Variants in PSD3 observed in about 807,000 individuals in gnomAD.
PSD3 encodes the protein pleckstrin and Sec7 domain containing 3.
In PSD3, 49 loss-of-function variants were observed where a neutral mutation model predicts 105.5. The ratio of observed to expected loss-of-function variants is 0.46; its 90% CI spans 0.37 to 0.59. PSD3 has a LOEUF of 0.59. PSD3 is among the 20% of genes least tolerant of loss of function. PSD3 has a pLI of 0.00. For missense variants in PSD3, 1,561 were observed against 1,263.8 expected, an observed-to-expected ratio of 1.24 and a Z score of -3.57; for synonymous variants, 557 against 457.8, an observed-to-expected ratio of 1.22 and a Z score of -2.77.
chr8:18,958,314 G>A (rs1823706203), intron 1 of PSD3, among the ~76,000 whole-genome samples: 1 of 152,132 alleles, frequency 6.6e-6, no homozygotes, highest in South Asian at 2.1e-4. Context: ...ATTGTCTTAG[G>A]GGAACTGGGT....
At chr8:19,017,069 T>C (rs924683179), upstream of PSD3, among the ~76,000 whole-genome samples, 3 of 133,718 alleles carry the variant, frequency 2.2e-5, no homozygotes, top group African/African-American at 5.6e-5. Flanking sequence ...TTTTTTTTTT[T>C]TGAGACAGTA....
intron 12 of PSD3, among the ~76,000 whole-genome samples, chr8:18,580,078 C>G (rs1230845180): frequency 2.0e-5 from 3 of 152,112 alleles, no homozygotes; most frequent in East Asian, 1.9e-4. Context: ...TGATGAATAT[C>G]TTTTTTAAAA....
chr8:18,731,439 C>A (rs1177570624), intron 9 of PSD3, among the ~76,000 whole-genome samples: 1 of 152,144 alleles, frequency 6.6e-6, no homozygotes, highest in East Asian at 1.9e-4. Flanking sequence ...ATTCTCTATA[C>A]CCTTCCTCTT....
intron 9 of PSD3, among the ~76,000 whole-genome samples, chr8:18,705,832 T>A (rs1323847139): frequency 6.6e-6 from 1 of 152,218 alleles, no homozygotes; most frequent in African/African-American, 2.4e-5. Context: ...GGAATGTGGT[T>A]GTTGTATTGC....
intron 1 of PSD3, among the ~76,000 whole-genome samples, chr8:19,030,526 C>T (rs376741331): frequency 2.6e-5 from 4 of 152,092 alleles, no homozygotes; most frequent in African/African-American, 9.6e-5. Context: ...AAGTGTGTGG[C>T]ACCTCTGCCG....
At chr8:18,670,500 GT>G (rs1563159360) in intron 9 of PSD3, among the ~76,000 whole-genome samples, 1 of 152,146 alleles carries the variant, frequency 6.6e-6, no homozygotes, top group African/African-American at 2.4e-5. Context: ...GAGAGGTGAG[GT>G]AAGTTGACTG....
chr8:18,671,888 C>A (rs1032049367), intron 9 of PSD3, among the ~76,000 whole-genome samples: 1 of 152,116 alleles, frequency 6.6e-6, no homozygotes, highest in Non-Finnish European at 1.5e-5. Flanking sequence ...GCCTTGGCCT[C>A]CCAAAGTGCT....
intron 1 of PSD3, among the ~76,000 whole-genome samples, chr8:18,937,379 G>A (rs146222707): frequency 3.8e-4 from 58 of 152,312 alleles, no homozygotes; most frequent in Non-Finnish European, 7.3e-4. Flanking sequence ...CTTTGGGGGA[G>A]AGAAGCGTGA....
intron 8 of PSD3, among the ~76,000 whole-genome samples, chr8:18,766,789 C>G (rs962501263): frequency 2.0e-5 from 3 of 152,196 alleles, no homozygotes; most frequent in African/African-American, 7.2e-5. Flanking sequence ...GGCTCTAGTT[C>G]CCCAAGTCCC....
chr8:18,572,127 T>C (rs776909725), intron 14 of PSD3, among the ~76,000 whole-genome samples: 1 of 152,206 alleles, frequency 6.6e-6, no homozygotes, highest in Non-Finnish European at 1.5e-5. Context: ...TTCCTGAAAA[T>C]ATTTTTGTAT....
At chr8:18,733,631 T>C (rs539722056) in intron 9 of PSD3, 2 of 152,954 alleles carry the variant, frequency 1.3e-5, no homozygotes, top group East Asian at 3.9e-4. Flanking sequence ...AGAGGCTTTT[T>C]ACTTTCACAG....
At chr8:18,815,245 T>C (rs1186212757) in intron 4 of PSD3, among the ~76,000 whole-genome samples, 1 of 152,204 alleles carries the variant, frequency 6.6e-6, no homozygotes, top group Non-Finnish European at 1.5e-5. Context: ...TCTATGGTTA[T>C]ATAATGTCCA....
chr8:18,753,765 T>C (rs1333869172), intron 9 of PSD3, among the ~76,000 whole-genome samples: 4 of 152,152 alleles, frequency 2.6e-5, no homozygotes, highest in African/African-American at 9.7e-5. Flanking sequence ...TTCCAATCTA[T>C]TTCACACTCC....
chr8:18,618,508 G>C (rs938062499), intron 11 of PSD3, among the ~76,000 whole-genome samples: 1 of 140,242 alleles, frequency 7.1e-6, no homozygotes. Flanking sequence ...TTCTATTGCT[G>C]TATCTATCAT....
intron 1 of PSD3, among the ~76,000 whole-genome samples, chr8:18,944,734 T>C (rs1293994989): frequency 6.6e-6 from 1 of 152,228 alleles, no homozygotes; most frequent in Non-Finnish European, 1.5e-5. Context: ...TTTATAATTT[T>C]ATTTATTTTT....
At chr8:19,045,398 T>C (rs1156277880) in intron 1 of PSD3, among the ~76,000 whole-genome samples, 1 of 152,132 alleles carries the variant, frequency 6.6e-6, no homozygotes, top group East Asian at 1.9e-4. Context: ...TATCTCTCAT[T>C]TTGAATTTAA....
At chr8:18,923,176 C>A (rs910969992) in intron 2 of PSD3, among the ~76,000 whole-genome samples, 5 of 151,834 alleles carry the variant, frequency 3.3e-5, no homozygotes, top group African/African-American at 1.2e-4. Flanking sequence ...CTAACACTAC[C>A]AACAGCTGAT....
rs531497096 is a variant in PSD3, at chr8:18,645,442, A to G, written c.2216+10200T>C. ...CCTTCAAGTTAATGGTCAATTTTTC[A>G]TAACTATGGCATTTCTGTTTCTTTT... On this transcript the variant is annotated intron_variant, in intron 10 of 15. Coordinates refer to ENST00000327040, the MANE Select transcript of PSD3 (RefSeq NM_015310.4). Among the ~76,000 whole-genome samples the G allele has an allele frequency of 2.6e-5, 4 of 152,334 alleles. No homozygotes were observed. The South Asian group carries it at 6.2e-4, about 24-fold the overall frequency.
At chr8:18,927,563 T>C (rs916538525) in intron 2 of PSD3, among the ~76,000 whole-genome samples, 1 of 152,206 alleles carries the variant, frequency 6.6e-6, no homozygotes, top group African/African-American at 2.4e-5. Flanking sequence ...GACTAAATCA[T>C]TGGCCAACTT....
Sources: allele counts gnomAD v4.1 joint callset (sites outside exome capture counted in the v4.1 genomes callset), GRCh38; gene constraint gnomAD v4.1.1; transcripts MANE v1.5; gene names NCBI Gene and HGNC (gene_info 2026-07-23, HGNC 2026-07-21).